INSL6: variants seen among roughly 807,000 people sequenced by gnomAD.
INSL6 encodes insulin like 6, also known as insulin-like peptide INSL6.
Under a neutral mutation model 9.4 loss-of-function variants are expected in INSL6, and 16 were observed. The observed-to-expected ratio is 1.70, with a 90% confidence interval of 1.15 to 2.59. The LOEUF is 2.59. INSL6 is among the 30% of genes most tolerant of loss of function. The pLI, the probability that INSL6 is intolerant of heterozygous loss-of-function variation, is 0.00. For missense variants in INSL6, 391 were observed against 257.3 expected (o/e 1.52, Z -3.56); for synonymous variants, 154 against 96.9 (o/e 1.59, Z -3.46).
At chr9:5,034,689 A>G in the INSL6 span, among the ~76,000 whole-genome samples, 8 of 152,118 alleles carry the variant, frequency 5.3e-5, no homozygotes, top group African/African-American at 1.9e-4. Context: ...TTTGAAACCA[A>G]CGAGAACAAA....
At chr9:5,006,520 A>C in the INSL6 span, among the ~76,000 whole-genome samples, 2 of 152,198 alleles carry the variant, frequency 1.3e-5, no homozygotes, top group African/African-American at 4.8e-5. Context: ...AAGTTGTTTA[A>C]TTGACTCATG....
intron 2 of INSL6, among the ~76,000 whole-genome samples, chr9:5,138,930 CAAG>C (rs1464542530): frequency 1.3e-5 from 2 of 151,824 alleles, no homozygotes; most frequent in African/African-American, 2.4e-5. Flanking sequence ...ATAATCCTCT[CAAG>C]AAAAGCAGGA....
chr9:5,007,318 T>A, the INSL6 span, among the ~76,000 whole-genome samples: 1 of 152,202 alleles, frequency 6.6e-6, no homozygotes, highest in African/African-American at 2.4e-5. Flanking sequence ...TTTTTAAAGT[T>A]ATTCTTTGTA....
chr9:5,067,735 C>T, the INSL6 span, among the ~76,000 whole-genome samples: 1 of 151,950 alleles, frequency 6.6e-6, no homozygotes, highest in African/African-American at 2.4e-5. Context: ...ATGCTACAGC[C>T]CTACCTTCAG....
At chr9:4,993,493 C>T in the INSL6 span, among the ~76,000 whole-genome samples, 2 of 152,210 alleles carry the variant, frequency 1.3e-5, no homozygotes, top group African/African-American at 2.4e-5. Flanking sequence ...GCTTTAACTT[C>T]CTGCTGAGAA....
chr9:5,152,511 G>C (rs957176883), intron 2 of INSL6, among the ~76,000 whole-genome samples: 2 of 152,064 alleles, frequency 1.3e-5, no homozygotes, highest in African/African-American at 4.8e-5. Flanking sequence ...GAATGAAAAT[G>C]AAAATGACAT....
At chr9:5,025,521 T>C in the INSL6 span, among the ~76,000 whole-genome samples, 1 of 149,882 alleles carries the variant, frequency 6.7e-6, no homozygotes, top group Non-Finnish European at 1.5e-5. Flanking sequence ...TTTGTTTAAG[T>C]GGATAGAGTT....
the INSL6 span, among the ~76,000 whole-genome samples, chr9:5,084,811 G>C: frequency 6.6e-6 from 1 of 152,174 alleles, no homozygotes; most frequent in Non-Finnish European, 1.5e-5. Context: ...GACAGATTCA[G>C]ATGGTTTAAT....
the INSL6 span, chr9:5,041,516 C>T: frequency 1.8e-6 from 1 of 558,286 alleles, no homozygotes; most frequent in South Asian, 1.5e-5. Flanking sequence ...CATAGCGCGC[C>T]ACGCCCATCG....
At chr9:5,172,377 T>C (rs1320785053) in intron 1 of INSL6, among the ~76,000 whole-genome samples, 1 of 152,134 alleles carries the variant, frequency 6.6e-6, no homozygotes, top group African/African-American at 2.4e-5. Context: ...ATCTAGGCAA[T>C]GCTATTCACA....
chr9:5,011,234 G>C, the INSL6 span, among the ~76,000 whole-genome samples: 1 of 151,998 alleles, frequency 6.6e-6, no homozygotes, highest in African/African-American at 2.4e-5. Context: ...TGTTACTCTT[G>C]TTGTTCAGTG....
the INSL6 span, among the ~76,000 whole-genome samples, chr9:5,117,079 G>A: frequency 5.9e-5 from 9 of 152,248 alleles, no homozygotes; most frequent in East Asian, 9.6e-4. Flanking sequence ...GTGAGGACAC[G>A]GCATTCCTCT....
the INSL6 span, among the ~76,000 whole-genome samples, chr9:5,023,569 G>T: frequency 6.6e-6 from 1 of 152,282 alleles, no homozygotes; most frequent in Admixed American, 6.5e-5. Flanking sequence ...AATTCCAGGG[G>T]TTCACAGTAG....
chr9:5,154,753 T>G lies in INSL6; in HGVS notation c.376+9426A>C, dbSNP rs535675889. 5.9e-5 allele frequency among the ~76,000 whole-genome samples: 9 copies of G among 152,074 alleles called. No individual in the cohort carries two copies. The East Asian group carries it at 1.5e-3, about 26-fold the overall frequency. ...TCATCACCACTGGCCATCAGAGAAA[T>G]GCAAATCAAAACCACAATGAGATAC... On this transcript the variant is annotated intron_variant, in intron 2 of 3. Transcript: ENST00000649639.
the INSL6 span, among the ~76,000 whole-genome samples, chr9:5,018,947 TTTGTCTTTGACAAGCTG>T: frequency 2.6e-5 from 4 of 152,136 alleles, no homozygotes; most frequent in African/African-American, 9.7e-5. Context: ...GAATTCTCTC[TTTGTCTTTGACAAGCTG>T]TTGTCTCTGA....
chr9:5,018,420 C>T, the INSL6 span, among the ~76,000 whole-genome samples: 4 of 152,122 alleles, frequency 2.6e-5, no homozygotes, highest in East Asian at 1.9e-4. Context: ...ACTGCAGCCT[C>T]GACCTCCATG....
the INSL6 span, among the ~76,000 whole-genome samples, chr9:5,044,951 T>G: frequency 1.6e-4 from 25 of 152,270 alleles, 1 homozygote; most frequent in African/African-American, 5.8e-4. Flanking sequence ...AAAAATGAGC[T>G]CTGATAGTTT....
chr9:5,046,512 G>A, the INSL6 span, among the ~76,000 whole-genome samples: 2 of 151,982 alleles, frequency 1.3e-5, no homozygotes, highest in South Asian at 2.1e-4. Context: ...CTGTTTTCTT[G>A]TAAGAGTTTT....
At chr9:5,022,294 A>C in the INSL6 span, 18 of 854,792 alleles carry the variant, frequency 2.1e-5, 1 homozygote, top group South Asian at 3.0e-4. Flanking sequence ...TACATGCATA[A>C]TATATATTTT....
Sources: allele counts gnomAD v4.1 joint callset (sites outside exome capture counted in the v4.1 genomes callset), GRCh38; gene constraint gnomAD v4.1.1; transcripts MANE v1.5; gene names NCBI Gene and HGNC (gene_info 2026-07-23, HGNC 2026-07-21).